CFAP44: variants seen among roughly 807,000 people sequenced by gnomAD.
CFAP44 encodes cilia- and flagella-associated protein 44.
Under a neutral mutation model 216.2 loss-of-function variants are expected in CFAP44, and 134 were observed. The ratio of observed to expected loss-of-function variants is 0.62; its 90% confidence interval spans 0.54 to 0.72. CFAP44 has a LOEUF of 0.72. Ranked by LOEUF, CFAP44 falls within the 30% of genes least tolerant of loss-of-function variation. The pLI is 0.00. For missense variants in CFAP44, 2,035 were observed against 2,182.1 expected (o/e 0.93, Z 1.34); for synonymous variants, 700 against 727.6 (o/e 0.96, Z 0.61).
At chr3:113,360,411 G>C (rs1038880475) in intron 21 of CFAP44, 1 of 231,658 alleles carries the variant, frequency 4.3e-6, no homozygotes, top group Non-Finnish European at 9.7e-6. Context: ...GGGTTTGACA[G>C]TATTGGATCT....
At chr3:113,330,822 T>C (rs1321006583) in intron 25 of CFAP44, among the ~76,000 whole-genome samples, 154 bp from the exon 26 acceptor site, 1 of 152,108 alleles carries the variant, frequency 6.6e-6, no homozygotes, top group African/African-American at 2.4e-5. Context: ...GTTTCCCTTT[T>C]CTTTAATATT....
At chr3:113,302,617 C>T (rs886900268) in intron 32 of CFAP44, among the ~76,000 whole-genome samples, 3 of 150,702 alleles carry the variant, frequency 2.0e-5, no homozygotes, top group South Asian at 4.2e-4. Context: ...AAAAATGAGC[C>T]GGGCGTGGTG....
intron 32 of CFAP44, among the ~76,000 whole-genome samples, chr3:113,297,749 C>G (rs1949896242): frequency 6.6e-6 from 1 of 152,228 alleles, no homozygotes; most frequent in African/African-American, 2.4e-5. Flanking sequence ...TAGAACACCT[C>G]TCCAAGAAAA....
At chr3:113,411,222 T>C (rs886696039) in intron 6 of CFAP44, among the ~76,000 whole-genome samples, 4 of 152,248 alleles carry the variant, frequency 2.6e-5, no homozygotes, top group Non-Finnish European at 5.9e-5. Flanking sequence ...TCCTTGCCCA[T>C]GCCTATTTCC....
chr3:113,349,201 C>T (rs1172258326), intron 22 of CFAP44, among the ~76,000 whole-genome samples: 1 of 152,176 alleles, frequency 6.6e-6, no homozygotes, highest in Admixed American at 6.5e-5. Context: ...CTGCCTTCCT[C>T]AAGCTGCTAT....
intron 4 of CFAP44, among the ~76,000 whole-genome samples, chr3:113,420,815 A>C (rs1934795084): frequency 6.6e-6 from 1 of 152,238 alleles, no homozygotes; most frequent in Non-Finnish European, 1.5e-5. Flanking sequence ...TTTAATTCAT[A>C]TCAACAAATT....
chr3:113,363,616 C>A, intron 19 of CFAP44, 84 bp from the exon 20 acceptor site: 1 of 1,246,712 alleles, frequency 8.0e-7, no homozygotes, highest in Non-Finnish European at 1.1e-6. Context: ...AAATTAAAAA[C>A]TCAAATTGGT....
At position 113,403,929 on chromosome 3, in the gene CFAP44, A is replaced by T; in HGVS notation, c.1093T>A (p.Cys365Ser). 3 of 1,614,170 alleles carry T rather than the reference A, an allele frequency of 1.9e-6. No homozygotes were observed. Among genetic ancestry groups the T allele is most frequent in the Non-Finnish European group, 2.5e-6 (3 of 1,180,022 alleles). The stretch of plus-strand genomic sequence containing the variant: ...ATCTGGTTAATGGGACCATTGTGAC[A>T]TGACTTGCTTGTCCCTCGACAGAGC... ...VELCRGTSKS[C>S]HNGPINQIML... Residue 365 changes from cysteine (C) to serine (S), a missense_variant, in exon 9 of 35, where the codon TGT becomes AGT. Physicochemically the swap from Cys to Ser is moderately radical, Grantham distance 112 (BLOSUM62 -1). Coordinates refer to ENST00000393845, the MANE Select transcript of CFAP44 (RefSeq NM_001164496.2).
chr3:113,383,734 G>A (rs1178159111), intron 15 of CFAP44, among the ~76,000 whole-genome samples: 1 of 152,134 alleles, frequency 6.6e-6, no homozygotes. Flanking sequence ...CAGAGTAAAG[G>A]CTAGTTTAAT....
chr3:113,345,869 T>A (rs190706275), intron 22 of CFAP44, among the ~76,000 whole-genome samples: 3 of 152,352 alleles, frequency 2.0e-5, no homozygotes, highest in African/African-American at 7.2e-5. Flanking sequence ...AAACTCTATG[T>A]CTGCTTTTAA....
intron 4 of CFAP44, among the ~76,000 whole-genome samples, chr3:113,420,890 C>T (rs1934797227): frequency 6.6e-6 from 1 of 151,904 alleles, no homozygotes; most frequent in Admixed American, 6.6e-5. Flanking sequence ...CTTTTCTGAG[C>T]TTATTAGTAT....
intron 2 of CFAP44, among the ~76,000 whole-genome samples, chr3:113,431,185 A>T (rs1935097256): frequency 6.6e-6 from 1 of 152,160 alleles, no homozygotes; most frequent in South Asian, 2.1e-4. Context: ...AGGCTGAGCC[A>T]GGAGGAAGAG....
intron 18 of CFAP44, among the ~76,000 whole-genome samples, chr3:113,370,766 A>G (rs758033778): frequency 3.2e-4 from 48 of 152,318 alleles, no homozygotes; most frequent in Non-Finnish European, 5.6e-4. Flanking sequence ...AGGATATTCA[A>G]TTAGGAAAAG....
At chr3:113,368,486 A>G (rs1933038117) in intron 18 of CFAP44, among the ~76,000 whole-genome samples, 7 of 152,218 alleles carry the variant, frequency 4.6e-5, no homozygotes, top group Admixed American at 4.6e-4. Context: ...TATCCAGTCA[A>G]ACTAAGCTTC....
chr3:113,361,702 G>A (rs1459516335), intron 21 of CFAP44, among the ~76,000 whole-genome samples: 1 of 151,776 alleles, frequency 6.6e-6, no homozygotes, highest in Non-Finnish European at 1.5e-5. Context: ...GTTTCACCAT[G>A]TTAGCCAGGA....
chr3:113,300,957 A>G (rs1559904350), intron 32 of CFAP44, among the ~76,000 whole-genome samples: 1 of 152,178 alleles, frequency 6.6e-6, no homozygotes, highest in African/African-American at 2.4e-5. Flanking sequence ...TTAAAAAGTT[A>G]AACACTTATA....
intron 6 of CFAP44, among the ~76,000 whole-genome samples, chr3:113,410,323 G>A (rs534061535): frequency 1.3e-5 from 2 of 151,998 alleles, no homozygotes; most frequent in Admixed American, 6.5e-5. Context: ...GACAGGCCCC[G>A]GTGTGTGATG....
At chr3:113,398,149 G>T (rs1291032609) in intron 13 of CFAP44, among the ~76,000 whole-genome samples, 1 of 152,166 alleles carries the variant, frequency 6.6e-6, no homozygotes, top group African/African-American at 2.4e-5. Flanking sequence ...AGTAACTATA[G>T]AGGCACTGGA....
At chr3:113,334,406 G>T (rs1950265447) in intron 24 of CFAP44, among the ~76,000 whole-genome samples, 1 of 152,126 alleles carries the variant, frequency 6.6e-6, no homozygotes, top group African/African-American at 2.4e-5. Flanking sequence ...TAAATTATCA[G>T]AAAAGCTAAG....
Sources: allele counts gnomAD v4.1 joint callset (sites outside exome capture counted in the v4.1 genomes callset), GRCh38; gene constraint gnomAD v4.1.1; transcripts MANE v1.5; gene names NCBI Gene and HGNC (gene_info 2026-07-23, HGNC 2026-07-21).